CD244: variants seen among roughly 807,000 people sequenced by gnomAD.
CD244 encodes CD244 molecule.
CD244 carries 20 observed loss-of-function variants against 45.5 expected under a neutral mutation model. That is an observed-to-expected ratio of 0.44 (90% CI 0.31 to 0.64). The LOEUF is 0.64. CD244 is among the 30% of genes least tolerant of loss of function. The pLI is 0.08. For synonymous variants in CD244, 185 were observed against 160.5 expected (o/e 1.15, Z -1.15); for missense variants, 407 against 426.9 (o/e 0.95, Z 0.41).
intron 1 of CD244, among the ~76,000 whole-genome samples, chr1:160,842,164 T>C (rs1473546147): frequency 6.6e-6 from 1 of 152,218 alleles, no homozygotes; most frequent in Non-Finnish European, 1.5e-5. Flanking sequence ...ACTTTATACA[T>C]TTTAACTATT....
At chr1:160,846,098 T>G (rs779273105) in intron 1 of CD244, among the ~76,000 whole-genome samples, 3 of 151,998 alleles carry the variant, frequency 2.0e-5, no homozygotes, top group Non-Finnish European at 2.9e-5. Flanking sequence ...ACAGGTGGTG[T>G]TTGGTTACAA....
At chr1:160,840,924 A>G (rs1398167249) in intron 3 of CD244, among the ~76,000 whole-genome samples, 1 of 152,234 alleles carries the variant, frequency 6.6e-6, no homozygotes, top group Non-Finnish European at 1.5e-5. Flanking sequence ...AATGTTCAGG[A>G]GCCATTTCAG....
Position 160,830,741 on chromosome 1 carries a change from T to A in CD244, c.*606A>T, listed in dbSNP as rs561603674. On this transcript the variant is annotated 3_prime_UTR_variant, in exon 9 of 9. Transcript: ENST00000368034. ...TACTCTCCCTTCAGCCCACTCCCCC[T>A]GGTGGCCAACTGGCCAGAGGTAAAG... is the stretch of plus-strand genomic sequence containing the variant. 1.3e-5 allele frequency: 2 copies of A among 153,018 alleles called. No homozygotes were observed. Among genetic ancestry groups the A allele is most frequent in the Admixed American group, 1.3e-4 (2 of 15,380 alleles). 9.5% of individuals were successfully genotyped at this position (153,018 alleles called of 1,614,324 possible). A position where few individuals can be genotyped will look rare whatever the true frequency, so the allele number is the denominator to read the frequency against.
Position 160,841,568 on chromosome 1 carries a change from A to G in CD244, c.379+16T>C, listed in dbSNP as rs768492764. Reference sequence around the variant, plus strand: ...AGGAATCAGAGAGGGCAGTATGAACAGTCCTGGAGACTTACCAAATACAAA... The same window carrying G: ...AGGAATCAGAGAGGGCAGTATGAACGGTCCTGGAGACTTACCAAATACAAA... On this transcript the variant is annotated intron_variant, in intron 2 of 8. Coordinates refer to ENST00000368034, the MANE Select transcript of CD244 (RefSeq NM_016382.4). The G allele has an allele frequency of 1.9e-6, 3 of 1,612,540 alleles. No individual in the cohort carries two copies. Among genetic ancestry groups the G allele is most frequent in the Admixed American group, 1.7e-5 (1 of 59,722 alleles).
intron 3 of CD244, 40 bp downstream of exon 3, chr1:160,841,170 A>T (rs1345410806): frequency 6.2e-7 from 1 of 1,605,292 alleles, no homozygotes; most frequent in African/African-American, 1.3e-5. Flanking sequence ...GCGGGGTCCA[A>T]ACCTTCAGCG....
intron 1 of CD244, chr1:160,848,348 A>T: frequency 1.7e-6 from 1 of 588,642 alleles, no homozygotes; most frequent in Non-Finnish European, 3.3e-6. Context: ...CCAGTTTTTC[A>T]TCTACATTGC....
chr1:160,855,070 G>A (rs1301764968), intron 1 of CD244, among the ~76,000 whole-genome samples: 1 of 152,190 alleles, frequency 6.6e-6, no homozygotes, highest in African/African-American at 2.4e-5. Context: ...GGCAAATGTG[G>A]CCATTTACAG....
At chr1:160,850,771 A>C (rs976260294) in intron 1 of CD244, among the ~76,000 whole-genome samples, 5 of 152,138 alleles carry the variant, frequency 3.3e-5, no homozygotes, top group Non-Finnish European at 5.9e-5. Context: ...CAAGCAAGCA[A>C]TCAGCTCTTC....
chr1:160,832,758 G>T, intron 7 of CD244, 183 bp from the exon 8 acceptor site: 1 of 1,275,438 alleles, frequency 7.8e-7, no homozygotes, highest in Non-Finnish European at 1.1e-6. Context: ...CTCCAGGGAA[G>T]ACACAATATA....
At chr1:160,845,856 CAA>C (rs61093310) in intron 1 of CD244, among the ~76,000 whole-genome samples, 10 of 105,660 alleles carry the variant, frequency 9.5e-5, no homozygotes, top group African/African-American at 1.6e-4. Context: ...AACTCTGTCT[CAA>C]AAAAAAAAAA....
chr1:160,861,887 C>A (rs1047088245), intron 1 of CD244, among the ~76,000 whole-genome samples: 2 of 151,932 alleles, frequency 1.3e-5, no homozygotes, highest in African/African-American at 4.8e-5. Flanking sequence ...TAAATTAATT[C>A]AATTAAATTA....
chr1:160,838,591 C>A (rs147615179), intron 4 of CD244, 73 bp from the exon 5 acceptor site: 86 of 1,032,914 alleles, frequency 8.3e-5, no homozygotes, highest in East Asian at 7.1e-4. Context: ...ACAGGTCCCA[C>A]CTCTACCCCA....
At chr1:160,838,212 A>G (rs926492728) in intron 5 of CD244, among the ~76,000 whole-genome samples, 4 of 152,104 alleles carry the variant, frequency 2.6e-5, no homozygotes, top group East Asian at 1.9e-4. Context: ...AGCAGGTGCA[A>G]TTCTGCACCA....
chr1:160,860,186 C>T (rs1260511918), intron 1 of CD244, among the ~76,000 whole-genome samples: 8 of 151,922 alleles, frequency 5.3e-5, no homozygotes, highest in African/African-American at 1.7e-4. Flanking sequence ...CCAGCCCAGG[C>T]CACAGAGCGA....
At chr1:160,861,348 G>A (rs1670295848) in intron 1 of CD244, among the ~76,000 whole-genome samples, 1 of 152,208 alleles carries the variant, frequency 6.6e-6, no homozygotes, top group South Asian at 2.1e-4. Flanking sequence ...AAGGACACAA[G>A]AATGCTCAGG....
At chr1:160,851,303 C>T (rs1427110003) in intron 1 of CD244, among the ~76,000 whole-genome samples, 1 of 152,204 alleles carries the variant, frequency 6.6e-6, no homozygotes, top group Non-Finnish European at 1.5e-5. Context: ...CCCGAAGCTG[C>T]CTACAGGCTG....
chr1:160,862,599 C>A lies in CD244; in HGVS notation c.61+18G>T, dbSNP rs369932468. The A allele has an allele frequency of 2.5e-6, 4 of 1,610,920 alleles. No individual in the cohort carries two copies. The highest frequency in any genetic ancestry group is 2.5e-6 in the Non-Finnish European group (3 of 1,177,414). On this transcript the variant is annotated intron_variant, in intron 1 of 8. Transcript: ENST00000368034. ...TCCTAGTCCCTCCCTCGCCCCACGC[C>A]AGGTAGGACCTCCTTACCTTTGCCC...
chr1:160,834,257 G>A (rs1669245413), intron 6 of CD244, 141 bp from the exon 7 acceptor site: 3 of 634,056 alleles, frequency 4.7e-6, no homozygotes, highest in South Asian at 2.0e-5. Context: ...GACTAGCCAG[G>A]AGGTCAGACA....
rs1177055220 is a variant in CD244 at position 160,830,395 on chromosome 1, G to T, written c.*952C>A. On this transcript the variant is annotated 3_prime_UTR_variant, in exon 9 of 9. Transcript: ENST00000368034. ...TCCCCACAGCCTTGTTGAAATGTCT[G>T]GCCTGACGACTCAGGGAACCCAGCA... is the stretch of plus-strand genomic sequence containing the variant. The T allele has an allele frequency of 6.6e-6, 1 of 152,294 alleles. No individual in the cohort carries two copies. The highest frequency in any genetic ancestry group is 1.5e-5 in the Non-Finnish European group (1 of 68,064). The allele number at this position is 152,294 out of a possible 1,614,324, so 9.4% of individuals were successfully genotyped here.
Sources: allele counts gnomAD v4.1 joint callset (sites outside exome capture counted in the v4.1 genomes callset), GRCh38; gene constraint gnomAD v4.1.1; transcripts MANE v1.5; gene names NCBI Gene and HGNC (gene_info 2026-07-23, HGNC 2026-07-21).